The following RPS6KA2 variants were observed in gnomAD, a reference collection of about 807,000 sequenced individuals.
The protein encoded by RPS6KA2 is ribosomal protein S6 kinase A2.
Under a neutral mutation model 91.8 loss-of-function variants are expected in RPS6KA2, and 42 were observed. The ratio of observed to expected loss-of-function variants is 0.46; its 90% CI spans 0.36 to 0.59. The LOEUF is 0.59. RPS6KA2 is among the 20% of genes least tolerant of loss of function. The pLI is 0.00. For synonymous variants in RPS6KA2, 414 were observed against 393.6 expected (o/e 1.05, Z -0.61); for missense variants, 798 against 978.5 (o/e 0.82, Z 2.46).
chr6:166,409,966 T>C lies in RPS6KA2; in HGVS notation c.*2796A>G, dbSNP rs1410208362. 6.6e-6 allele frequency: 1 copy of C among 152,214 alleles called. No individual in the cohort carries two copies. Among genetic ancestry groups the C allele is most frequent in the African/African-American group, 2.4e-5 (1 of 41,440 alleles). The allele number at this position is 152,214 out of a possible 1,614,324, so 9.4% of individuals were successfully genotyped here. A position where few individuals can be genotyped will look rare whatever the true frequency, so the allele number is the denominator to read the frequency against. On this transcript the variant is annotated 3_prime_UTR_variant, in exon 21 of 21. Coordinates refer to ENST00000265678, the MANE Select transcript of RPS6KA2 (RefSeq NM_021135.6). ...GGACTTGAGGGTAAAAGTGAAATCC[T>C]CACCTCTTGCCCATGTTTGACTTTG...
chr6:166,469,332 T>TTTG (rs1554277823), intron 11 of RPS6KA2, among the ~76,000 whole-genome samples: 40 of 151,548 alleles, frequency 2.6e-4, no homozygotes, highest in Non-Finnish European at 5.6e-4. Flanking sequence ...TGTTGTTTTT[T>TTTG]TTTTTTTTTT....
At chr6:166,758,897 A>C (rs917071159) in intron 2 of RPS6KA2, among the ~76,000 whole-genome samples, 4 of 152,224 alleles carry the variant, frequency 2.6e-5, no homozygotes, top group Non-Finnish European at 5.9e-5. Flanking sequence ...ATCAGACAGA[A>C]ATAGTTGAAG....
rs956688872 is a variant in RPS6KA2, at chr6:166,500,002, G to A, written c.604+885C>T. On this transcript the variant is annotated intron_variant, in intron 7 of 20. Transcript: ENST00000265678. This position sits in a 1 kb window ranked among gnomAD's most constrained non-coding sequence, Gnocchi z 4.3. ...CTGGGTGTGCCCAACACCATTGCAAGGGTCTTCAGGTTAGGAAGGGAGGCA... is the reference window on the plus strand; with the variant it reads ...CTGGGTGTGCCCAACACCATTGCAAAGGTCTTCAGGTTAGGAAGGGAGGCA... 6.6e-6 allele frequency among the ~76,000 whole-genome samples: 1 copy of A among 152,240 alleles called. No homozygotes were observed. Among genetic ancestry groups the A allele is most frequent in the Non-Finnish European group, 1.5e-5 (1 of 68,044 alleles).
chr6:166,754,302 G>C (rs1164512195), intron 2 of RPS6KA2, among the ~76,000 whole-genome samples: 1 of 152,222 alleles, frequency 6.6e-6, no homozygotes, highest in Non-Finnish European at 1.5e-5. Flanking sequence ...AAGAGAGTTT[G>C]TTACTCACAG....
chr6:166,450,608 T>C (rs1305476982), intron 13 of RPS6KA2, among the ~76,000 whole-genome samples: 1 of 102,778 alleles, frequency 9.7e-6, no homozygotes, highest in Non-Finnish European at 1.9e-5. Flanking sequence ...CCATGGGGAA[T>C]ATCCATGGGA....
Position 166,737,843 on chromosome 6 carries a change from T to C in RPS6KA2, c.123+120357A>G, listed in dbSNP as rs1790711299. 6.6e-6 allele frequency among the ~76,000 whole-genome samples: 1 copy of C among 152,242 alleles called. No homozygotes were observed. Among genetic ancestry groups the C allele is most frequent in the South Asian group, 2.1e-4 (1 of 4,832 alleles). ...TTATTTTTAAATCTGTATTAGTTAT[T>C]TTCTCATAAACAGAAATAACTTTGA... On this transcript the variant is annotated intron_variant, in intron 2 of 21. Coordinates refer to the RPS6KA2 transcript ENST00000503859. This position sits in a 1 kb window ranked among gnomAD's most constrained non-coding sequence, Gnocchi z 4.3.
rs1781686685 is a variant in RPS6KA2, at chr6:166,493,746, C to G, written c.748-3005G>C. On this transcript the variant is annotated intron_variant, in intron 8 of 20. Transcript: ENST00000265678. This position sits in a 1 kb window ranked among gnomAD's most constrained non-coding sequence, Gnocchi z 4.7. Reference sequence around the variant, plus strand: ...CACCGTTGCCTGCCAGGGGACATTTCCGGCTGTCATGCCCGGGAGCCCTGG... The same window carrying G: ...CACCGTTGCCTGCCAGGGGACATTTGCGGCTGTCATGCCCGGGAGCCCTGG... 1.3e-5 allele frequency among the ~76,000 whole-genome samples: 2 copies of G among 152,204 alleles called. No individual in the cohort carries two copies. The highest frequency in any genetic ancestry group is 2.9e-5 in the Non-Finnish European group (2 of 68,030).
At chr6:166,470,358 AAG>A (rs906079292) in intron 10 of RPS6KA2, among the ~76,000 whole-genome samples, 1 of 152,186 alleles carries the variant, frequency 6.6e-6, no homozygotes, top group Non-Finnish European at 1.5e-5. Context: ...CCAGGAAATG[AAG>A]AGGAGTTGAC....
At position 166,494,831 on chromosome 6, in the gene RPS6KA2, C is replaced by T. The variant is rs1583204780; in HGVS notation, c.747+3677G>A. Among the ~76,000 whole-genome samples the T allele has an allele frequency of 6.6e-6, 1 of 152,206 alleles. No individual in the cohort carries two copies. The highest frequency in any genetic ancestry group is 6.5e-5 in the Admixed American group (1 of 15,288). ...CGGACGGCCACCCACACATGAGGAC[C>T]ACTCCCTCAGCACGCGGCCTCCAGG... is the stretch of plus-strand genomic sequence containing the variant. On this transcript the variant is annotated intron_variant, in intron 8 of 20. Coordinates refer to ENST00000265678, the MANE Select transcript of RPS6KA2 (RefSeq NM_021135.6). This position sits in a 1 kb window ranked among gnomAD's most constrained non-coding sequence, Gnocchi z 5.1.
At position 166,418,109 on chromosome 6, in the gene RPS6KA2, G is replaced by A; in HGVS notation, c.1938+116C>T. ...CATTTCAAGAAAAAAAAAAAAATAT[G>A]CTGAGGATAAAATACCTATACTACT... is the stretch of plus-strand genomic sequence containing the variant. On this transcript the variant is annotated intron_variant, in intron 19 of 20. Transcript: ENST00000265678. This position sits in a 1 kb window ranked among gnomAD's most constrained non-coding sequence, Gnocchi z 4.9. 19 of 713,980 alleles carry A rather than the reference G, an allele frequency of 2.7e-5. No individual in the cohort carries two copies. In the South Asian group the frequency reaches 3.5e-4, roughly 13 times the overall value. 44.2% of individuals were successfully genotyped at this position (713,980 alleles called of 1,614,324 possible).
At chr6:166,773,745 A>G (rs1778541181) in intron 2 of RPS6KA2, among the ~76,000 whole-genome samples, 1 of 152,064 alleles carries the variant, frequency 6.6e-6, no homozygotes, top group Admixed American at 6.5e-5. Flanking sequence ...CCTGTTACAT[A>G]CCTGTGACCA....
chr6:166,528,091 G>T (rs1289258403), intron 3 of RPS6KA2, among the ~76,000 whole-genome samples: 1 of 152,206 alleles, frequency 6.6e-6, no homozygotes, highest in Non-Finnish European at 1.5e-5. Context: ...CAGTGAGGTC[G>T]CATGGTAATC....
intron 1 of RPS6KA2, among the ~76,000 whole-genome samples, chr6:166,575,745 T>C (rs1583293563): frequency 1.3e-5 from 2 of 152,108 alleles, no homozygotes; most frequent in East Asian, 3.9e-4. Flanking sequence ...ATGGGAACCA[T>C]CTCTCTAAAC....
intron 2 of RPS6KA2, among the ~76,000 whole-genome samples, chr6:166,640,672 A>G (rs1318215891): frequency 6.6e-6 from 1 of 152,228 alleles, no homozygotes; most frequent in Non-Finnish European, 1.5e-5. Context: ...GTCCGATAGT[A>G]AGCAGGGAAG....
chr6:166,716,460 T>C (rs1790016337), intron 2 of RPS6KA2, among the ~76,000 whole-genome samples: 1 of 152,184 alleles, frequency 6.6e-6, no homozygotes. Flanking sequence ...CTTTTTCACA[T>C]CATCACTGTA....
chr6:166,569,293 G>A (rs945797512), intron 1 of RPS6KA2, among the ~76,000 whole-genome samples: 8 of 152,300 alleles, frequency 5.3e-5, no homozygotes, highest in Non-Finnish European at 1.0e-4. Flanking sequence ...TTTCTTCTGA[G>A]CGACCTCTCC....
Position 166,561,302 on chromosome 6 carries a change from C to T in RPS6KA2, c.100-22518G>A, listed in dbSNP as rs151279635. 2.5e-3 allele frequency among the ~76,000 whole-genome samples: 386 copies of T among 152,238 alleles called. 2 individuals carry two copies. The highest frequency in any genetic ancestry group is 9.0e-3 in the African/African-American group (373 of 41,550). On this transcript the variant is annotated intron_variant, in intron 1 of 20. Transcript: ENST00000265678. ...TCCTTGGAGGATGAGACCCTGTGCC[C>T]AGCTCAAGGTCCCTGCTTTGTCCCC...
At chr6:166,503,208 T>C (rs1373836879) in intron 6 of RPS6KA2, among the ~76,000 whole-genome samples, 3 of 152,220 alleles carry the variant, frequency 2.0e-5, no homozygotes, top group African/African-American at 7.2e-5. Flanking sequence ...TGAGGGATGC[T>C]CCAGCTGTAT....
intron 11 of RPS6KA2, among the ~76,000 whole-genome samples, chr6:166,464,847 C>T (rs1780461262): frequency 6.6e-6 from 1 of 152,206 alleles, no homozygotes; most frequent in Admixed American, 6.5e-5. Context: ...TGCAGACGTT[C>T]ACTCGCTCAT....
Sources: gnomAD v4.1 joint callset for allele counts (sites outside exome capture counted in the v4.1 genomes callset) on GRCh38, gnomAD v4.1.1 for gene constraint, Gnocchi (gnomAD v3.1) non-coding constraint, MANE v1.5 for transcripts, NCBI Gene and HGNC (gene_info 2026-07-23, HGNC 2026-07-21) for gene names.